Variants in CD6 observed in about 807,000 individuals in gnomAD.
CD6 encodes the protein CD6 molecule.
In CD6, 53 loss-of-function variants were observed where a neutral mutation model predicts 75.3. The ratio of observed to expected loss-of-function variants is 0.70; its 90% CI spans 0.56 to 0.88. The LOEUF (loss-of-function observed/expected upper bound fraction) is 0.88. CD6 is among the 40% of genes least tolerant of loss of function. The pLI is 0.00. For synonymous variants in CD6, 359 were observed against 381.5 expected (o/e 0.94, Z 0.69); for missense variants, 770 against 897.1 (o/e 0.86, Z 1.81).
At chr11:60,982,654 C>G in intron 1 of CD6, 1 of 456,070 alleles carries the variant, frequency 2.2e-6, no homozygotes, top group Non-Finnish European at 4.4e-6. Context: ...GATTCAGCTC[C>G]TTGGAGAAAT....
intron 1 of CD6, among the ~76,000 whole-genome samples, chr11:60,996,302 C>T (rs1332929863): frequency 6.6e-6 from 1 of 152,182 alleles, no homozygotes; most frequent in Non-Finnish European, 1.5e-5. Flanking sequence ...GGAAGCATCA[C>T]AACATCCTTC....
At chr11:60,987,567 A>G (rs774542113) in intron 1 of CD6, among the ~76,000 whole-genome samples, 1 of 150,246 alleles carries the variant, frequency 6.7e-6, no homozygotes, top group Non-Finnish European at 1.5e-5. Flanking sequence ...ACATGTATGT[A>G]TGTGTGTGTG....
chr11:61,011,106 T>C lies in CD6; in HGVS notation c.1121T>C (p.Val374Ala). 6.2e-7 allele frequency: 1 copy of C among 1,613,982 alleles called. No individual in the cohort carries two copies. The highest frequency in any genetic ancestry group is 8.5e-7 in the Non-Finnish European group (1 of 1,179,982). The change falls in exon 6 of 13, where the codon GTC becomes GCC. Residue 374 changes from valine to alanine, a missense_variant. Physicochemically the swap from Val to Ala is moderately conservative, Grantham distance 64. Coordinates refer to ENST00000313421, the MANE Select transcript of CD6 (RefSeq NM_006725.5). ...RSLHNLSTPEVPASVQTVTIE... is the reference protein window; with the variant it reads ...RSLHNLSTPEAPASVQTVTIE... ...TTGCACAATCTGTCCACTCCCGAAG[T>C]CCCTGCAAGTGTTCAGACAGTCACT...
In CD6 at chr11:61,007,764, C is replaced by T. The variant is rs1038320908; in HGVS notation, c.323C>T (p.Pro108Leu). The T allele has an allele frequency of 6.2e-6, 9 of 1,461,748 alleles. No homozygotes were observed. The highest frequency in any genetic ancestry group is 8.1e-6 in the Non-Finnish European group (9 of 1,105,734). 90.5% of individuals were successfully genotyped at this position (1,461,748 alleles called of 1,614,324 possible). A position where few individuals can be genotyped will look rare whatever the true frequency, so the allele number is the denominator to read the frequency against. ...APPTPELPPP[P>L]AAGNTSVAAN... is the part of the protein sequence containing the mutation. Reference sequence around the variant, plus strand: ...CCGACCCCTGAGCTGCCGCCCCCGCCTGCAGCCGGGAACACCAGCGTAGCA... The same window carrying T: ...CCGACCCCTGAGCTGCCGCCCCCGCTTGCAGCCGGGAACACCAGCGTAGCA... The change falls in exon 3 of 13, where the codon CCT (proline) becomes CTT (leucine). Residue 108 changes from proline to leucine, a missense_variant. Pro to Leu is a moderately conservative substitution (Grantham distance 98, BLOSUM62 -3). Transcript: ENST00000313421. This position sits in a 1 kb window ranked among gnomAD's most constrained non-coding sequence, Gnocchi z 4.2.
At position 61,016,638 on chromosome 11, in the gene CD6, G is replaced by A. The variant is rs142566123; in HGVS notation, c.1510+803G>A. The stretch of plus-strand genomic sequence containing the variant: ...ACATTCCAGGCAAGGGCAAGGGAAC[G>A]ATGGGATGCTGGAGATGGCCACAGA... On this transcript the variant is annotated intron_variant, in intron 9 of 12. Transcript: ENST00000313421. 3.2e-3 allele frequency among the ~76,000 whole-genome samples: 489 copies of A among 152,342 alleles called. 4 individuals are homozygous for A. The highest frequency in any genetic ancestry group is 0.011 in the African/African-American group (466 of 41,582).
At chr11:61,014,121 A>G (rs1031634827) in intron 8 of CD6, 107 bp downstream of exon 8, 12 of 786,690 alleles carry the variant, frequency 1.5e-5, no homozygotes, top group Non-Finnish European at 2.4e-5. Context: ...ACAGCTGGAG[A>G]TGAGATCTGG....
chr11:61,019,203 C>CAGCA (rs776330538), intron 12 of CD6, 51 bp from the exon 13 acceptor site: 1 of 1,417,882 alleles, frequency 7.1e-7, no homozygotes, highest in Non-Finnish European at 9.9e-7. Context: ...TCCTGTGGGG[C>CAGCA]AGCAGGGCAA....
chr11:60,978,666 G>A (rs1857454480), intron 1 of CD6, among the ~76,000 whole-genome samples: 1 of 152,188 alleles, frequency 6.6e-6, no homozygotes, highest in Admixed American at 6.5e-5. Context: ...GTACGCAGCA[G>A]AGACCCAGCC....
Position 61,019,868 on chromosome 11 carries a change from C to T in CD6, c.*550C>T, listed in dbSNP as rs1331184541. The T allele has an allele frequency of 1.3e-5, 4 of 302,418 alleles. No individual in the cohort carries two copies. Among genetic ancestry groups the T allele is most frequent in the Admixed American group, 5.1e-5 (1 of 19,554 alleles). 18.7% of individuals were successfully genotyped at this position (302,418 alleles called of 1,614,324 possible). A position where few individuals can be genotyped will look rare whatever the true frequency, so the allele number is the denominator to read the frequency against. On this transcript the variant is annotated 3_prime_UTR_variant, in exon 13 of 13. Transcript: ENST00000313421. ...ACACCAGCTGTCCCAGGCTTTGCTC[C>T]GGGCGGTAACTGCACTTGGGCAGGG...
At chr11:61,015,216 T>A (rs1450359493) in intron 8 of CD6, among the ~76,000 whole-genome samples, 6 of 152,214 alleles carry the variant, frequency 3.9e-5, no homozygotes, top group Non-Finnish European at 7.3e-5. Context: ...AATGTTTAGT[T>A]CTCCATATTG....
At chr11:60,985,695 T>G (rs1857786347) in intron 1 of CD6, among the ~76,000 whole-genome samples, 1 of 152,196 alleles carries the variant, frequency 6.6e-6, no homozygotes, top group African/African-American at 2.4e-5. Context: ...CAGTGGCTGA[T>G]GCCTGTCATG....
rs1859492509 is a variant in CD6, at chr11:61,017,905, A to G, written c.1729A>G (p.Lys577Glu). The G allele has an allele frequency of 6.2e-7, 1 of 1,614,016 alleles. No individual in the cohort carries two copies. The highest frequency in any genetic ancestry group is 1.7e-5 in the Admixed American group (1 of 60,020). The change falls in exon 11 of 13, where the codon AAA becomes GAA. Residue 577 changes from lysine to glutamate, a missense_variant. Transcript: ENST00000313421. ...SSGEDYCNSP[K>E]SKLPPWNPQV... is the part of the protein sequence containing the mutation. ...AGGGGAGGATTACTGCAATAGTCCC[A>G]AAAGCAAGCTGCCTCCATGGAACCC...
At position 60,980,835 on chromosome 11, in the gene CD6, G is replaced by A. The variant is rs145190912; in HGVS notation, c.49+8921G>A. 1.6e-4 allele frequency among the ~76,000 whole-genome samples: 24 copies of A among 152,176 alleles called. No homozygotes were observed. In the East Asian group the frequency reaches 2.9e-3, roughly 18 times the overall value. On this transcript the variant is annotated intron_variant, in intron 1 of 12. Coordinates refer to ENST00000313421, the MANE Select transcript of CD6 (RefSeq NM_006725.5). ...AGCCTATGCAACAGAGTGAGACTCT[G>A]TTTCAAAATAATTAATTAATTAATT... is the stretch of plus-strand genomic sequence containing the variant.
intron 1 of CD6, among the ~76,000 whole-genome samples, chr11:61,005,063 A>G (rs1858784530): frequency 6.6e-6 from 1 of 152,208 alleles, no homozygotes; most frequent in South Asian, 2.1e-4. Flanking sequence ...GAGGGGAGGC[A>G]AGTCCTTGGA....
intron 1 of CD6, among the ~76,000 whole-genome samples, chr11:60,975,339 AGT>A (rs1857325329): frequency 6.6e-6 from 1 of 152,248 alleles, no homozygotes; most frequent in African/African-American, 2.4e-5. Context: ...AGATGTGTAA[AGT>A]GTAAAATATG....
At chr11:60,995,126 T>C (rs547040503) in intron 1 of CD6, among the ~76,000 whole-genome samples, 2 of 64,408 alleles carry the variant, frequency 3.1e-5, no homozygotes, top group East Asian at 4.9e-4. Context: ...CGCATGCGTC[T>C]TTTTTTTTTT....
intron 1 of CD6, among the ~76,000 whole-genome samples, chr11:60,987,043 G>T (rs58047663): frequency 2.6e-5 from 4 of 152,122 alleles, no homozygotes; most frequent in Admixed American, 6.6e-5. Flanking sequence ...CAAGGGAATC[G>T]CTTGAACCTG....
intron 1 of CD6, among the ~76,000 whole-genome samples, chr11:60,982,435 G>A (rs1156327669): frequency 6.6e-6 from 1 of 152,140 alleles, no homozygotes; most frequent in Admixed American, 6.5e-5. Flanking sequence ...GGGTTTGGAG[G>A]GAGGATGTTT....
chr11:60,997,494 GTTAT>G (rs572027031), intron 1 of CD6, among the ~76,000 whole-genome samples: 2 of 151,650 alleles, frequency 1.3e-5, no homozygotes, highest in East Asian at 1.9e-4. Flanking sequence ...AATAATATAT[GTTAT>G]TTAACTGAAT....
Sources: allele counts gnomAD v4.1 joint callset (sites outside exome capture counted in the v4.1 genomes callset), GRCh38; gene constraint gnomAD v4.1.1; non-coding constraint Gnocchi (gnomAD v3.1); transcripts MANE v1.5; gene names NCBI Gene and HGNC (gene_info 2026-07-23, HGNC 2026-07-21).